ANO2: variants seen among roughly 807,000 people sequenced by gnomAD.
ANO2 encodes the protein anoctamin 2.
ANO2 carries 101 observed loss-of-function variants against 124.2 expected under a neutral mutation model. That is an observed-to-expected ratio of 0.81 (90% CI 0.69 to 0.96). The LOEUF is 0.96. Among genes scored for constraint, ANO2 ranks in the 40% least tolerant of loss-of-function variants. ANO2 has a pLI of 0.00. For missense variants in ANO2, 1,293 were observed against 1,274.5 expected, an observed-to-expected ratio of 1.01 and a Z score of -0.22; for synonymous variants, 486 against 482.5, an observed-to-expected ratio of 1.01 and a Z score of -0.09.
intron 1 of ANO2, among the ~76,000 whole-genome samples, chr12:5,939,210 CAACAA>C (rs1942790448): frequency 1.4e-4 from 1 of 7,310 alleles, no homozygotes; most frequent in Admixed American, 1.2e-3. Context: ...AGCAAGACTC[CAACAA>C]AAAAAAAAAA....
At chr12:5,746,864 T>C (rs1951279224) in intron 11 of ANO2, among the ~76,000 whole-genome samples, 1 of 152,218 alleles carries the variant, frequency 6.6e-6, no homozygotes, top group Admixed American at 6.5e-5. Flanking sequence ...ATCAGCTTTT[T>C]AAAAAATGTC....
intron 3 of ANO2, among the ~76,000 whole-genome samples, chr12:5,918,877 A>G: frequency 6.6e-6 from 1 of 152,196 alleles, no homozygotes; most frequent in Middle Eastern, 3.2e-3. Flanking sequence ...TCATTGCTCC[A>G]TCTAATGATG....
chr12:5,795,288 C>A (rs149257715), intron 10 of ANO2, among the ~76,000 whole-genome samples: 202 of 152,358 alleles, frequency 1.3e-3, no homozygotes, highest in Non-Finnish European at 2.2e-3. Context: ...GGAAGCTGTT[C>A]CATATCTCAA....
At chr12:5,779,131 A>T (rs999382929) in intron 10 of ANO2, among the ~76,000 whole-genome samples, 3 of 152,240 alleles carry the variant, frequency 2.0e-5, no homozygotes, top group African/African-American at 7.2e-5. Flanking sequence ...TATACCTAAA[A>T]TGTGAAACCT....
At chr12:5,674,407 C>T (rs1209578929) in intron 14 of ANO2, among the ~76,000 whole-genome samples, 1 of 141,450 alleles carries the variant, frequency 7.1e-6, no homozygotes, top group East Asian at 2.2e-4. Flanking sequence ...CAGTCATTAC[C>T]TCCACATAAA....
chr12:5,811,508 G>A (rs575717233), intron 7 of ANO2, among the ~76,000 whole-genome samples: 1 of 152,120 alleles, frequency 6.6e-6, no homozygotes, highest in Non-Finnish European at 1.5e-5. Context: ...GGTTCCCAAA[G>A]AATACATTTT....
At chr12:5,928,106 G>A (rs1263622400) in intron 1 of ANO2, among the ~76,000 whole-genome samples, 3 of 152,130 alleles carry the variant, frequency 2.0e-5, no homozygotes, top group African/African-American at 4.8e-5. Context: ...GAGTCAGCAG[G>A]GACCTAGGCA....
At chr12:5,598,583 T>C (rs985735266) in intron 20 of ANO2, among the ~76,000 whole-genome samples, 2 of 152,208 alleles carry the variant, frequency 1.3e-5, no homozygotes, top group African/African-American at 4.8e-5. Context: ...CTCAAACTCC[T>C]GACCTCAGGT....
intron 24 of ANO2, among the ~76,000 whole-genome samples, chr12:5,563,778 C>T (rs552348717): frequency 5.9e-5 from 9 of 152,290 alleles, no homozygotes; most frequent in African/African-American, 1.4e-4. Flanking sequence ...CAGGATGAAA[C>T]GGGTTCATAC....
chr12:5,919,195 G>A (rs1780748380), intron 3 of ANO2, among the ~76,000 whole-genome samples: 1 of 152,204 alleles, frequency 6.6e-6, no homozygotes, highest in Non-Finnish European at 1.5e-5. Flanking sequence ...GGGTATTTTG[G>A]CTAGGATGGT....
Position 5,615,286 on chromosome 12 carries a change from T to C in ANO2, c.1828A>G (p.Thr610Ala), listed in dbSNP as rs1429801640. The change falls in exon 17 of 25, where the codon ACA becomes GCA. Residue 610 changes from threonine to alanine, a missense_variant. By Grantham distance (58) the Thr-to-Ala change is moderately conservative. Coordinates refer to ENST00000682330, the MANE Select transcript of ANO2 (RefSeq NM_001364791.2). Reference protein sequence around the residue: ...KWLTKIEVPKTEQTFEERLIL... With the variant: ...KWLTKIEVPKAEQTFEERLIL... The stretch of plus-strand genomic sequence containing the variant: ...AGGCGCTCTTCAAAAGTCTGTTCTG[T>C]TTTCGGAACCTCTGTAAGAGAAGAG... 2.5e-6 allele frequency: 4 copies of C among 1,612,692 alleles called. No homozygotes were observed. In the African/African-American group the frequency reaches 4.0e-5, roughly 16 times the overall value.
chr12:5,930,317 T>A (rs988295960), intron 1 of ANO2, among the ~76,000 whole-genome samples: 1 of 152,164 alleles, frequency 6.6e-6, no homozygotes, highest in African/African-American at 2.4e-5. Context: ...ATACTGCACG[T>A]ATATCATCCC....
chr12:5,682,734 G>T (rs1419299249), intron 14 of ANO2, among the ~76,000 whole-genome samples: 1 of 152,200 alleles, frequency 6.6e-6, no homozygotes, highest in Non-Finnish European at 1.5e-5. Context: ...AGGATATTTT[G>T]AGCTGCTGCT....
intron 14 of ANO2, among the ~76,000 whole-genome samples, chr12:5,705,846 C>G (rs1219086123): frequency 6.6e-6 from 1 of 152,196 alleles, no homozygotes; most frequent in African/African-American, 2.4e-5. Flanking sequence ...TCAGACTGTT[C>G]CAACTCCCTT....
chr12:5,654,212 G>C (rs566796767), intron 14 of ANO2, among the ~76,000 whole-genome samples: 151 of 152,268 alleles, frequency 9.9e-4, no homozygotes, highest in Non-Finnish European at 1.9e-4. Flanking sequence ...CAGGAGGAGA[G>C]GTGACACACC....
At chr12:5,645,406 T>C (rs371689844) in intron 15 of ANO2, among the ~76,000 whole-genome samples, 1 of 151,966 alleles carries the variant, frequency 6.6e-6, no homozygotes, top group Non-Finnish European at 1.5e-5. Context: ...AACAAATCTA[T>C]CCATGGTCGT....
At position 5,900,439 on chromosome 12, in the gene ANO2, T is replaced by G. The variant is rs1020357444; in HGVS notation, c.534+20601A>C. Among the ~76,000 whole-genome samples, 1 of 152,134 alleles carries G rather than the reference T, an allele frequency of 6.6e-6. No individual in the cohort carries two copies. Among genetic ancestry groups the G allele is most frequent in the Non-Finnish European group, 1.5e-5 (1 of 68,006 alleles). On this transcript the variant is annotated intron_variant, in intron 3 of 24. Coordinates refer to ENST00000682330, the MANE Select transcript of ANO2 (RefSeq NM_001364791.2). The surrounding 1 kb of genome is among the most constrained non-coding windows in gnomAD (Gnocchi z 4.2). The stretch of plus-strand genomic sequence containing the variant: ...ACAATTTAAAAATGCATTTGTGAAT[T>G]TGAGTATGTTACTGAACTTCCATGG...
chr12:5,706,006 C>T (rs1558504), intron 14 of ANO2, among the ~76,000 whole-genome samples: 58,124 of 152,042 alleles, frequency 0.38, 12,216 homozygotes, highest in East Asian at 0.56. Context: ...TAGGTTGACA[C>T]GGTGCCCTTC....
chr12:5,930,304 G>A (rs749997082), intron 1 of ANO2, among the ~76,000 whole-genome samples: 1 of 152,200 alleles, frequency 6.6e-6, no homozygotes, highest in Non-Finnish European at 1.5e-5. Context: ...ACAGAGATGT[G>A]AAATACTGCA....
Sources: gnomAD v4.1 joint callset for allele counts (sites outside exome capture counted in the v4.1 genomes callset) on GRCh38, gnomAD v4.1.1 for gene constraint, Gnocchi (gnomAD v3.1) non-coding constraint, MANE v1.5 for transcripts, NCBI Gene and HGNC (gene_info 2026-07-23, HGNC 2026-07-21) for gene names.